EDIL3: variants seen among roughly 807,000 people sequenced by gnomAD.
EDIL3 encodes the protein EGF like and discoidin domains 3.
A neutral mutation model predicts 67.4 loss-of-function variants in EDIL3; 37 were observed. The observed-to-expected ratio is 0.55, with a 90% CI of 0.42 to 0.72. The LOEUF is 0.72. EDIL3 is among the 30% of genes least tolerant of loss of function. The probability of loss-of-function intolerance (pLI) is 0.00; values close to 1 mark genes in which losing one functional copy is unlikely to be tolerated. For missense variants in EDIL3, 527 were observed against 586.3 expected (o/e 0.90, Z 1.04); for synonymous variants, 195 against 196.3 (o/e 0.99, Z 0.05).
At chr5:84,083,877 G>A (rs1014095845) in intron 6 of EDIL3, among the ~76,000 whole-genome samples, 9 of 152,004 alleles carry the variant, frequency 5.9e-5, no homozygotes, top group South Asian at 2.1e-4. Flanking sequence ...AACTTCATTC[G>A]AAATACTTTT....
At chr5:84,019,078 A>G (rs1312685141) in intron 9 of EDIL3, among the ~76,000 whole-genome samples, 3 of 152,214 alleles carry the variant, frequency 2.0e-5, no homozygotes, top group Non-Finnish European at 4.4e-5. Context: ...TCATGCTGCT[A>G]TAAAGACACA....
chr5:84,317,473 C>T (rs1194208430), intron 1 of EDIL3, among the ~76,000 whole-genome samples: 4 of 152,072 alleles, frequency 2.6e-5, no homozygotes, highest in Non-Finnish European at 4.4e-5. Context: ...CACCTGTAAG[C>T]AAATAAACTA....
At chr5:83,949,225 C>T (rs1744364741) in intron 10 of EDIL3, among the ~76,000 whole-genome samples, 1 of 151,740 alleles carries the variant, frequency 6.6e-6, no homozygotes, top group East Asian at 2.0e-4. Context: ...AGAGAGCTAC[C>T]ACAGTGTCTT....
At chr5:84,003,767 A>G (rs189064932) in intron 9 of EDIL3, among the ~76,000 whole-genome samples, 109 of 152,258 alleles carry the variant, frequency 7.2e-4, no homozygotes, top group Middle Eastern at 3.4e-3. Flanking sequence ...TACATGATCG[A>G]GTCTACCTAA....
rs1187438274 is a variant in EDIL3, at chr5:84,158,968, T to C, written c.355+21425A>G. ...TTTTATGTCCCCACAAACTCATTTATTATAAAACCCATAAAACTATTCCCT... is the reference window on the plus strand; with the variant it reads ...TTTTATGTCCCCACAAACTCATTTACTATAAAACCCATAAAACTATTCCCT... On this transcript the variant is annotated intron_variant, in intron 4 of 10. Coordinates refer to ENST00000296591, the MANE Select transcript of EDIL3 (RefSeq NM_005711.5). 2.0e-5 allele frequency among the ~76,000 whole-genome samples: 3 copies of C among 152,172 alleles called. No individual in the cohort carries two copies. The East Asian group carries it at 5.8e-4, about 29-fold the overall frequency.
intron 1 of EDIL3, among the ~76,000 whole-genome samples, chr5:84,290,460 C>G (rs1745892215): frequency 6.6e-6 from 1 of 152,140 alleles, no homozygotes; most frequent in African/African-American, 2.4e-5. Context: ...AGTGTCTGTG[C>G]TACCGAACGT....
intron 4 of EDIL3, among the ~76,000 whole-genome samples, chr5:84,139,069 C>T (rs1340453932): frequency 6.6e-6 from 1 of 152,054 alleles, no homozygotes; most frequent in Non-Finnish European, 1.5e-5. Context: ...GAAACCTTGT[C>T]TCTACTAAAA....
chr5:83,960,792 C>T (rs1212816278), intron 10 of EDIL3, among the ~76,000 whole-genome samples: 1 of 150,522 alleles, frequency 6.6e-6, no homozygotes, highest in Non-Finnish European at 1.5e-5. Flanking sequence ...TAAAAGAGTG[C>T]AAAAATAGGA....
At chr5:83,944,365 G>A (rs1213337513) in intron 10 of EDIL3, among the ~76,000 whole-genome samples, 7 of 145,646 alleles carry the variant, frequency 4.8e-5, no homozygotes, top group Admixed American at 2.1e-4. Context: ...TGCATTGCAC[G>A]TCTATTCTTC....
intron 1 of EDIL3, among the ~76,000 whole-genome samples, chr5:84,349,486 T>C (rs543199273): frequency 1.3e-5 from 2 of 152,338 alleles, no homozygotes; most frequent in African/African-American, 4.8e-5. Flanking sequence ...AAATAATGTT[T>C]TGTGAGTCAC....
chr5:84,030,807 A>T (rs149535660), intron 9 of EDIL3, among the ~76,000 whole-genome samples: 1,738 of 152,178 alleles, frequency 0.011, 11 homozygotes, highest in Middle Eastern at 0.017. Flanking sequence ...CCGTTTTCAG[A>T]TTCTCCCACG....
At chr5:84,287,295 G>C (rs1745826944) in intron 1 of EDIL3, among the ~76,000 whole-genome samples, 1 of 152,132 alleles carries the variant, frequency 6.6e-6, no homozygotes, top group African/African-American at 2.4e-5. Flanking sequence ...AATAAGAAAT[G>C]TGAAATTATT....
chr5:84,075,233 A>C (rs907375837), intron 6 of EDIL3, among the ~76,000 whole-genome samples: 13 of 152,088 alleles, frequency 8.5e-5, no homozygotes, highest in Non-Finnish European at 1.8e-4. Context: ...TAGCATTAGG[A>C]GATATACCTA....
intron 6 of EDIL3, among the ~76,000 whole-genome samples, chr5:84,101,972 T>G (rs1056800281): frequency 6.6e-6 from 1 of 152,060 alleles, no homozygotes; most frequent in Non-Finnish European, 1.5e-5. Context: ...TTATCCACCA[T>G]GATCAAGCAG....
At chr5:83,974,062 A>G (rs1744837063) in intron 9 of EDIL3, among the ~76,000 whole-genome samples, 1 of 151,944 alleles carries the variant, frequency 6.6e-6, no homozygotes, top group Non-Finnish European at 1.5e-5. Context: ...TACAATTTGT[A>G]AATCGTCCAC....
chr5:84,310,468 A>T (rs375373297), intron 1 of EDIL3, among the ~76,000 whole-genome samples: 12 of 152,322 alleles, frequency 7.9e-5, no homozygotes, highest in Admixed American at 5.2e-4. Flanking sequence ...AGTCATTTAA[A>T]TAATTCACAG....
rs1021343265 is a variant in EDIL3 at position 83,943,443 on chromosome 5, C to A, written c.1419G>T (p.Leu473=). 3.7e-6 allele frequency: 6 copies of A among 1,612,658 alleles called. No individual in the cohort carries two copies. Among genetic ancestry groups the A allele is most frequent in the Non-Finnish European group, 5.1e-6 (6 of 1,179,162 alleles). ...WYGRITLRSE[L]LGCTEEE ...CTCATTCCTCCTCTGTGCAGCCCAG[C>A]AGCTCTGACCGCAATGTGATCCTCC... Residue 473 remains leucine, a synonymous_variant, in exon 11 of 11, where the codon CTG becomes CTT. Transcript: ENST00000296591.
In EDIL3 at chr5:84,023,922, C is replaced by T. The variant is rs59653260; in HGVS notation, c.1137+36378G>A. On this transcript the variant is annotated intron_variant, in intron 9 of 10. Transcript: ENST00000296591. ...AGCACTGCACAATTTAAACTCAAAC[C>T]TTTCTGTAAAGCTGAAAAGCAGATT... Among the ~76,000 whole-genome samples, 1,431 of 152,140 alleles carry T rather than the reference C, an allele frequency of 9.4e-3. 26 individuals carry two copies. The highest frequency in any genetic ancestry group is 0.033 in the African/African-American group (1,356 of 41,516).
At chr5:83,968,036 A>G (rs1384296542) in intron 9 of EDIL3, among the ~76,000 whole-genome samples, 1 of 152,176 alleles carries the variant, frequency 6.6e-6, no homozygotes, top group East Asian at 1.9e-4. Context: ...CTTATAGGCA[A>G]CGTATTTAAT....
Sources: allele counts gnomAD v4.1 joint callset (sites outside exome capture counted in the v4.1 genomes callset), GRCh38; gene constraint gnomAD v4.1.1; transcripts MANE v1.5; gene names NCBI Gene and HGNC (gene_info 2026-07-23, HGNC 2026-07-21).